The following NFASC variants were observed in gnomAD, a reference collection of about 807,000 sequenced individuals.
The protein encoded by NFASC is neurofascin homolog.
NFASC carries 43 observed loss-of-function variants against 147.5 expected under a neutral mutation model. The observed-to-expected ratio is 0.29, with a 90% CI of 0.23 to 0.38. NFASC has a LOEUF of 0.38. NFASC is among the 10% of genes least tolerant of loss of function. The pLI, the probability that NFASC is intolerant of heterozygous loss-of-function variation, is 1.00. For synonymous variants in NFASC, 622 were observed against 665.5 expected, an observed-to-expected ratio of 0.93 and a Z score of 1.01; for missense variants, 1,320 against 1,689.0, an observed-to-expected ratio of 0.78 and a Z score of 3.83.
intron 8 of NFASC, chr1:204,967,945 G>GGAGGT: frequency 3.4e-6 from 1 of 292,302 alleles, no homozygotes; most frequent in Non-Finnish European, 6.6e-6. Context: ...AGTAGATCTC[G>GGAGGT]CACTGCTCAG....
intron 20 of NFASC, among the ~76,000 whole-genome samples, chr1:204,981,422 A>T (rs1220254966): frequency 6.6e-6 from 1 of 152,246 alleles, no homozygotes; most frequent in Non-Finnish European, 1.5e-5. Flanking sequence ...GTTAACCACA[A>T]CTCATTTCTT....
Position 204,979,138 on chromosome 1 carries a change from C to T in NFASC, c.1978+69C>T. The T allele has an allele frequency of 7.4e-7, 1 of 1,348,320 alleles. No individual in the cohort carries two copies. Among genetic ancestry groups the T allele is most frequent in the African/African-American group, 1.5e-5 (1 of 68,900 alleles). The allele number at this position is 1,348,320 out of a possible 1,614,324, so 83.5% of individuals were successfully genotyped here. ...CAACACCCTTAAACCGAAGGCCTTT[C>T]CTGGTTTCCAGCCCCACTTCTGCCT... On this transcript the variant is annotated intron_variant, in intron 18 of 29. Coordinates refer to ENST00000339876, the MANE Select transcript of NFASC (RefSeq NM_001005388.3). This position sits in a 1 kb window ranked among gnomAD's most constrained non-coding sequence, Gnocchi z 6.0.
Position 204,950,550 on chromosome 1 carries a change from C to CT in NFASC, c.92-6dup. The CT allele has an allele frequency of 6.2e-7, 1 of 1,612,340 alleles. No individual in the cohort carries two copies. Among genetic ancestry groups the CT allele is most frequent in the African/African-American group, 1.3e-5 (1 of 75,026 alleles). Reference sequence around the variant, plus strand: ...CCTCTCCAATGCTAACCCGTCGGAACTAACAGCAAGCATTCAGAATGAGCG... The same window carrying CT: ...CCTCTCCAATGCTAACCCGTCGGAACTTAACAGCAAGCATTCAGAATGAGCG... On this transcript the variant is annotated splice_polypyrimidine_tract_variant and splice_region_variant and intron_variant, in intron 3 of 29. Transcript: ENST00000339876.
chr1:204,949,519 A>G (rs2093976874), intron 3 of NFASC, among the ~76,000 whole-genome samples: 1 of 152,272 alleles, frequency 6.6e-6, no homozygotes, highest in Non-Finnish European at 1.5e-5. Flanking sequence ...ACTTTCTGAT[A>G]TATTCATCAG....
rs190223431 is a variant in NFASC at position 204,876,311 on chromosome 1, C to T, written c.-199-44321C>T. ...TCCAGTTTACAGTCCACCGCCACCC[C>T]ACAGCCCCTGCATATTTTAAGGATA... On this transcript the variant is annotated intron_variant, in intron 1 of 29. Coordinates refer to ENST00000339876, the MANE Select transcript of NFASC (RefSeq NM_001005388.3). Among the ~76,000 whole-genome samples the T allele has an allele frequency of 2.6e-3, 397 of 152,220 alleles. 1 individual carries two copies. The highest frequency in any genetic ancestry group is 4.6e-3 in the Admixed American group (70 of 15,288).
intron 1 of NFASC, among the ~76,000 whole-genome samples, chr1:204,835,908 T>C (rs1481298099): frequency 6.6e-6 from 1 of 152,140 alleles, no homozygotes; most frequent in Non-Finnish European, 1.5e-5. Context: ...AGATGCTAAG[T>C]TTTGTTCTCA....
chr1:204,954,233 C>A lies in NFASC; in HGVS notation c.261C>A (p.Asp87Glu). 6.2e-7 allele frequency: 1 copy of A among 1,614,168 alleles called. No individual in the cohort carries two copies. The highest frequency in any genetic ancestry group is 2.2e-5 in the East Asian group (1 of 44,878). The change falls in exon 6 of 30, where the codon GAC (aspartate) becomes GAA (glutamate). Residue 87 changes from aspartate (D) to glutamate (E), a missense_variant. By Grantham distance (45) the Asp-to-Glu change is conservative. Transcript: ENST00000339876. The surrounding 1 kb of genome is among the most constrained non-coding windows in gnomAD (Gnocchi z 5.7). ...GCAGATTCTTCAACATCGCCAAGGA[C>A]CCCCGGGTGTCCATGAGGAGGAGGT... ...RNSRFFNIAK[D>E]PRVSMRRRSG...
chr1:204,870,131 A>T (rs1209324396), intron 1 of NFASC, among the ~76,000 whole-genome samples: 2 of 152,198 alleles, frequency 1.3e-5, no homozygotes, highest in African/African-American at 4.8e-5. Flanking sequence ...AGGAAGCAGG[A>T]CAATGTGGTG....
At chr1:204,960,708 C>A (rs751639022) in intron 8 of NFASC, among the ~76,000 whole-genome samples, 1 of 152,214 alleles carries the variant, frequency 6.6e-6, no homozygotes, top group Non-Finnish European at 1.5e-5. Context: ...AACAGAGTTG[C>A]CTCCCAAGCC....
intron 1 of NFASC, among the ~76,000 whole-genome samples, chr1:204,879,118 G>C (rs2079608458): frequency 6.6e-6 from 1 of 152,188 alleles, no homozygotes; most frequent in South Asian, 2.1e-4. Flanking sequence ...CAAGTCTGTG[G>C]CCTCTTCAAC....
At chr1:204,879,826 G>A (rs2079785644) in intron 1 of NFASC, among the ~76,000 whole-genome samples, 1 of 152,200 alleles carries the variant, frequency 6.6e-6, no homozygotes, top group East Asian at 1.9e-4. Context: ...CATCTTTCAA[G>A]GGAGAAGAGC....
chr1:204,925,647 A>T (rs2091360022), intron 2 of NFASC, among the ~76,000 whole-genome samples: 1 of 152,176 alleles, frequency 6.6e-6, no homozygotes, highest in African/African-American at 2.4e-5. Context: ...CTTTTCCCCA[A>T]CCCAAGTTTC....
Position 204,957,838 on chromosome 1 carries a change from C to A in NFASC, c.706+12C>A. 6.2e-7 allele frequency: 1 copy of A among 1,613,690 alleles called. No individual in the cohort carries two copies. Among genetic ancestry groups the A allele is most frequent in the Non-Finnish European group, 8.5e-7 (1 of 1,179,656 alleles). On this transcript the variant is annotated intron_variant, in intron 8 of 29. Coordinates refer to ENST00000339876, the MANE Select transcript of NFASC (RefSeq NM_001005388.3). ...CAAGGTCCTCACCAGTAAGTGAAGG[C>A]CCCTGTCCCGGGGCTGGGGGCCAAA... is the stretch of plus-strand genomic sequence containing the variant.
At chr1:204,980,005 A>C (rs573927595) in intron 19 of NFASC, among the ~76,000 whole-genome samples, 1 of 152,366 alleles carries the variant, frequency 6.6e-6, no homozygotes, top group South Asian at 2.1e-4. Context: ...CCCAAAAAAA[A>C]TGTTAAATGC....
rs374519015 is a variant in NFASC at position 204,966,901 on chromosome 1, C to T, written c.707-1348C>T. Among the ~76,000 whole-genome samples, 20 of 152,232 alleles carry T rather than the reference C, an allele frequency of 1.3e-4. No homozygotes were observed. The Middle Eastern group carries it at 0.01, about 78-fold the overall frequency. ...TCTATGAATTGCACTCCACCAGTGC[C>T]GAGGGAGAGAGTTGAGTGCCCCAGA... On this transcript the variant is annotated intron_variant, in intron 8 of 29. Coordinates refer to ENST00000339876, the MANE Select transcript of NFASC (RefSeq NM_001005388.3).
intron 24 of NFASC, among the ~76,000 whole-genome samples, chr1:204,995,174 C>G (rs2095820091): frequency 6.6e-6 from 1 of 152,108 alleles, no homozygotes; most frequent in Non-Finnish European, 1.5e-5. Flanking sequence ...AATAATTGCT[C>G]CAGGTCTGTG....
rs370544963 is a variant in NFASC, at chr1:204,975,032, C to A, written c.1558+209C>A. Among the ~76,000 whole-genome samples, 234 of 152,334 alleles carry A rather than the reference C, an allele frequency of 1.5e-3. 1 individual carries two copies. Among genetic ancestry groups the A allele is most frequent in the African/African-American group, 4.7e-3 (195 of 41,562 alleles). On this transcript the variant is annotated intron_variant, in intron 14 of 29. Transcript: ENST00000339876. This position sits in a 1 kb window ranked among gnomAD's most constrained non-coding sequence, Gnocchi z 4.0. ...AAACCTTCTGCTCACACCAACTCCC[C>A]ACTACCAGCCCAGAAATTACATCAT...
chr1:204,919,377 T>A (rs1359851507), intron 1 of NFASC, among the ~76,000 whole-genome samples: 4 of 152,352 alleles, frequency 2.6e-5, no homozygotes, highest in South Asian at 4.1e-4. Flanking sequence ...TTGTCTTTTT[T>A]AAAAATACAA....
At chr1:204,956,185 C>CT (rs2094420721) in intron 7 of NFASC, among the ~76,000 whole-genome samples, 1 of 152,240 alleles carries the variant, frequency 6.6e-6, no homozygotes, top group Non-Finnish European at 1.5e-5. Flanking sequence ...CCCTGGGTTA[C>CT]AAGAATTATC....
Sources: allele counts gnomAD v4.1 joint callset (sites outside exome capture counted in the v4.1 genomes callset), GRCh38; gene constraint gnomAD v4.1.1; non-coding constraint Gnocchi (gnomAD v3.1); transcripts MANE v1.5; gene names NCBI Gene and HGNC (gene_info 2026-07-23, HGNC 2026-07-21).